Variants in CAMK1D observed in about 807,000 individuals in gnomAD.
CAMK1D encodes the protein calcium/calmodulin dependent protein kinase ID.
Under a neutral mutation model 47.7 loss-of-function variants are expected in CAMK1D, and 9 were observed. That is an observed-to-expected ratio of 0.19 (90% CI 0.11 to 0.33). The LOEUF is 0.33. CAMK1D is among the 10% of genes least tolerant of loss of function. The probability of loss-of-function intolerance (pLI) is 1.00; values close to 1 mark genes in which losing one functional copy is unlikely to be tolerated. For missense variants in CAMK1D, 291 were observed against 488.7 expected, an observed-to-expected ratio of 0.60 and a Z score of 3.81; for synonymous variants, 184 against 184.9, an observed-to-expected ratio of 0.99 and a Z score of 0.04.
intron 8 of CAMK1D, among the ~76,000 whole-genome samples, chr10:12,822,895 G>A (rs2131112302): frequency 6.6e-6 from 1 of 152,338 alleles, no homozygotes; most frequent in South Asian, 2.1e-4. Context: ...GAAGGCAGTT[G>A]ACAGTTGTTG....
intron 1 of CAMK1D, among the ~76,000 whole-genome samples, chr10:12,428,100 T>A (rs891353094): frequency 1.3e-5 from 2 of 152,164 alleles, no homozygotes; most frequent in African/African-American, 4.8e-5. Context: ...TCACATGCCA[T>A]GGTGGTTTGC....
At chr10:12,788,189 T>A (rs1837818130) in intron 5 of CAMK1D, among the ~76,000 whole-genome samples, 1 of 142,298 alleles carries the variant, frequency 7.0e-6, no homozygotes, top group Non-Finnish European at 1.5e-5. Context: ...ATTTTATTTT[T>A]ATTTATGTAT....
At chr10:12,611,872 C>T (rs542519206) in intron 2 of CAMK1D, among the ~76,000 whole-genome samples, 7 of 152,274 alleles carry the variant, frequency 4.6e-5, no homozygotes, top group South Asian at 2.1e-4. Context: ...GGATTACAGG[C>T]GTGAGCCACC....
chr10:12,571,453 C>CAAAAAAAAAAAAAAAAA (rs766454210), intron 2 of CAMK1D, among the ~76,000 whole-genome samples: 3 of 89,678 alleles, frequency 3.3e-5, no homozygotes, highest in Admixed American at 1.4e-4. Context: ...GACTCCATCA[C>CAAAAAAAAAAAAAAAAA]AAAAAAAAAA....
intron 1 of CAMK1D, among the ~76,000 whole-genome samples, chr10:12,478,113 C>T (rs1006053245): frequency 1.3e-5 from 2 of 150,562 alleles, no homozygotes; most frequent in Non-Finnish European, 2.9e-5. Context: ...TCATGCCATT[C>T]TCCTGCCTCA....
intron 1 of CAMK1D, among the ~76,000 whole-genome samples, chr10:12,402,831 G>A (rs942236856): frequency 2.6e-5 from 4 of 151,934 alleles, no homozygotes; most frequent in Non-Finnish European, 1.5e-5. Context: ...GGTAATTGGT[G>A]ATTGGTGCCT....
chr10:12,701,027 A>C (rs1833496799), intron 3 of CAMK1D, among the ~76,000 whole-genome samples: 1 of 152,210 alleles, frequency 6.6e-6, no homozygotes, highest in Admixed American at 6.5e-5. Context: ...GGCTGGATCC[A>C]AGCTGTTATT....
intron 1 of CAMK1D, among the ~76,000 whole-genome samples, chr10:12,387,641 G>A (rs1312556228): frequency 1.3e-5 from 2 of 149,158 alleles, no homozygotes; most frequent in East Asian, 2.0e-4. Context: ...TGAGTAGCTG[G>A]AACCCTGGCT....
intron 1 of CAMK1D, among the ~76,000 whole-genome samples, chr10:12,535,981 G>T (rs1352305310): frequency 6.6e-6 from 1 of 152,100 alleles, no homozygotes; most frequent in Admixed American, 6.6e-5. Flanking sequence ...TGCTGTGCTG[G>T]GATGCTGTAT....
At chr10:12,664,240 T>C (rs1361532193) in intron 2 of CAMK1D, among the ~76,000 whole-genome samples, 1 of 152,202 alleles carries the variant, frequency 6.6e-6, no homozygotes, top group Non-Finnish European at 1.5e-5. Context: ...TTTCTTTTCT[T>C]CCAGACACAT....
Position 12,804,937 on chromosome 10 carries a change from C to CAAAA in CAMK1D, c.642-9238_642-9235dup, listed in dbSNP as rs145584740. ...TGGATGATAAAGCTAGACCCTGTCTCAAAAAAAAAAAAAAAAAAAAAAAGA... is the reference window on the plus strand; with the variant it reads ...TGGATGATAAAGCTAGACCCTGTCTCAAAAAAAAAAAAAAAAAAAAAAAAAAAGA... On this transcript the variant is annotated intron_variant, in intron 6 of 10. Coordinates refer to ENST00000619168, the MANE Select transcript of CAMK1D (RefSeq NM_153498.4). Among the ~76,000 whole-genome samples, 336 of 50,906 alleles carry CAAAA rather than the reference C, an allele frequency of 6.6e-3. 12 individuals are homozygous for CAAAA. The highest frequency in any genetic ancestry group is 0.019 in the African/African-American group (229 of 11,978). 33.4% of individuals were successfully genotyped at this position (50,906 alleles called of 152,430 possible).
At chr10:12,365,933 G>A (rs1462051539) in intron 1 of CAMK1D, among the ~76,000 whole-genome samples, 2 of 152,162 alleles carry the variant, frequency 1.3e-5, no homozygotes, top group Non-Finnish European at 2.9e-5. Context: ...GCACATGCCT[G>A]TAATCCCAGC....
At chr10:12,751,076 GATAAGATAAGAT>G (rs1564535395) in intron 3 of CAMK1D, among the ~76,000 whole-genome samples, 1,822 of 44,492 alleles carry the variant, frequency 0.041, 70 homozygotes, top group African/African-American at 0.19. Flanking sequence ...GATAAGATAA[GATAAGATAAGAT>G]AAGATAAGAT....
At chr10:12,792,253 A>G (rs905389777) in intron 6 of CAMK1D, among the ~76,000 whole-genome samples, 1 of 151,946 alleles carries the variant, frequency 6.6e-6, no homozygotes, top group African/African-American at 2.4e-5. Flanking sequence ...ATTCTAGGCC[A>G]TAGGCTTGTT....
chr10:12,605,044 C>T (rs1309182057), intron 2 of CAMK1D, among the ~76,000 whole-genome samples: 3 of 152,046 alleles, frequency 2.0e-5, no homozygotes, highest in Non-Finnish European at 4.4e-5. Flanking sequence ...CCTGCCACCA[C>T]TCCTGGTTAA....
chr10:12,539,825 A>G (rs1193045464), intron 1 of CAMK1D, among the ~76,000 whole-genome samples: 2 of 152,240 alleles, frequency 1.3e-5, no homozygotes, highest in Admixed American at 1.3e-4. Flanking sequence ...CAACAAATGC[A>G]TGCATGGCCC....
Position 12,680,844 on chromosome 10 carries a change from C to A in CAMK1D, c.299+14034C>A, listed in dbSNP as rs558070605. Among the ~76,000 whole-genome samples the A allele has an allele frequency of 2.0e-5, 3 of 150,910 alleles. No individual in the cohort carries two copies. In the East Asian group the frequency reaches 5.8e-4, roughly 29 times the overall value. On this transcript the variant is annotated intron_variant, in intron 3 of 10. Coordinates refer to ENST00000619168, the MANE Select transcript of CAMK1D (RefSeq NM_153498.4). ...AGGTTACAGTGAGCTATGATGGCAC[C>A]ACTTCATTCCAGCCTGGGTGACAGA...
At chr10:12,427,018 A>AT (rs1348802812) in intron 1 of CAMK1D, among the ~76,000 whole-genome samples, 5 of 151,802 alleles carry the variant, frequency 3.3e-5, no homozygotes, top group South Asian at 4.2e-4. Context: ...CCCAGCCTTA[A>AT]TTTTCTGTTT....
At chr10:12,720,740 C>G (rs1436317934) in intron 3 of CAMK1D, among the ~76,000 whole-genome samples, 1 of 152,108 alleles carries the variant, frequency 6.6e-6, no homozygotes, top group African/African-American at 2.4e-5. Flanking sequence ...CTCGAATGGC[C>G]CCGAAGAATC....
Sources: allele counts gnomAD v4.1 joint callset (sites outside exome capture counted in the v4.1 genomes callset), GRCh38; gene constraint gnomAD v4.1.1; transcripts MANE v1.5; gene names NCBI Gene and HGNC (gene_info 2026-07-23, HGNC 2026-07-21).